The following GARNL3 variants were observed in gnomAD, a reference collection of about 807,000 sequenced individuals.
The protein encoded by GARNL3 is GTPase activating Rap/RanGAP domain like 3.
Under a neutral mutation model 125.0 loss-of-function variants are expected in GARNL3, and 63 were observed. That is an observed-to-expected ratio of 0.50 (90% CI 0.41 to 0.62). GARNL3 has a LOEUF of 0.62. GARNL3 is among the 20% of genes least tolerant of loss of function. The probability of loss-of-function intolerance (pLI) is 0.00; values close to 1 mark genes in which losing one functional copy is unlikely to be tolerated. For missense variants in GARNL3, 994 were observed against 1,244.0 expected, an observed-to-expected ratio of 0.80 and a Z score of 3.02; for synonymous variants, 439 against 457.5, an observed-to-expected ratio of 0.96 and a Z score of 0.52.
In GARNL3 at chr9:127,355,314, A is replaced by G. The variant is rs1391255390; in HGVS notation, c.1777A>G (p.Ile593Val). The change falls in exon 20 of 28, where the codon ATT (isoleucine) becomes GTT (valine). Residue 593 changes from isoleucine to valine, a missense_variant. Ile to Val is a conservative substitution (Grantham distance 29). Transcript: ENST00000373387. ...EKTKGCHLYA[I>V]NTHHSRELRI... ...CCTCCCAGGCTGCCACCTGTATGCT[A>G]TTAACACTCACCACAGCAGAGAGCT... 7 of 1,614,160 alleles carry G rather than the reference A, an allele frequency of 4.3e-6. No individual in the cohort carries two copies. Among genetic ancestry groups the G allele is most frequent in the East Asian group, 2.2e-5 (1 of 44,888 alleles).
At chr9:127,309,797 A>G (rs557184077) in intron 2 of GARNL3, among the ~76,000 whole-genome samples, 1 of 152,288 alleles carries the variant, frequency 6.6e-6, no homozygotes, top group East Asian at 1.9e-4. Flanking sequence ...CTCTTTGTAA[A>G]CTTCCAATTG....
chr9:127,331,735 T>TTTTTTTTTTTTTTTTTTTTTTTTTTC (rs1554722987), intron 7 of GARNL3, among the ~76,000 whole-genome samples: 1 of 143,734 alleles, frequency 7.0e-6, no homozygotes, highest in Non-Finnish European at 1.5e-5. Context: ...TTTTTTTTTT[T>TTTTTTTTTTTTTTTTTTTTTTTTTTC]CACATCTGTT....
intron 17 of GARNL3, among the ~76,000 whole-genome samples, chr9:127,352,333 T>C (rs527791730): frequency 1.4e-4 from 22 of 152,320 alleles, no homozygotes; most frequent in African/African-American, 5.1e-4. Context: ...TTTAAACATA[T>C]GAAACCCTAA....
At chr9:127,387,021 G>A (rs529543197) in intron 24 of GARNL3, 172 bp from the exon 25 acceptor site, 15 of 568,078 alleles carry the variant, frequency 2.6e-5, no homozygotes, top group Non-Finnish European at 3.9e-5. Flanking sequence ...AACTAGCCAC[G>A]CTGGGCTTTC....
chr9:127,269,786 GT>G lies in GARNL3; in HGVS notation c.144+4780del, dbSNP rs57287183. 1.2e-3 allele frequency among the ~76,000 whole-genome samples: 158 copies of G among 129,784 alleles called. 2 individuals are homozygous for G. The highest frequency in any genetic ancestry group is 2.4e-3 in the South Asian group (10 of 4,122). 85.1% of individuals were successfully genotyped at this position (129,784 alleles called of 152,430 possible). A position where few individuals can be genotyped will look rare whatever the true frequency, so the allele number is the denominator to read the frequency against. ...GTTTTTGTTTTGTTTTGTTTTTTGT[GT>G]TTTTTTTTTTTTTTGCTGTCAAGTT... On this transcript the variant is annotated intron_variant, in intron 1 of 27. Coordinates refer to ENST00000373387, the MANE Select transcript of GARNL3 (RefSeq NM_032293.5).
intron 1 of GARNL3, among the ~76,000 whole-genome samples, chr9:127,287,769 T>G (rs2064293763): frequency 6.6e-6 from 1 of 152,232 alleles, no homozygotes; most frequent in Non-Finnish European, 1.5e-5. Flanking sequence ...TTGATTAAGT[T>G]ACTGCCCAAC....
At chr9:127,353,568 T>G (rs1830522339) in intron 17 of GARNL3, 1 of 298,548 alleles carries the variant, frequency 3.3e-6, no homozygotes, top group Non-Finnish European at 6.2e-6. Flanking sequence ...TTTTCTTTGA[T>G]GAACAAAAAT....
At chr9:127,291,114 C>A in intron 1 of GARNL3, 54 bp from the exon 2 acceptor site, 1 of 1,547,526 alleles carries the variant, frequency 6.5e-7, no homozygotes, top group Non-Finnish European at 8.9e-7. Context: ...TAATTACATA[C>A]AGATAGAAGA....
Position 127,333,244 on chromosome 9 carries a change from TG to T in GARNL3, c.769+124del, listed in dbSNP as rs1260946360. 6.1e-5 allele frequency: 44 copies of T among 721,870 alleles called. No homozygotes were observed. The Admixed American group carries it at 1.0e-3, about 17-fold the overall frequency. 44.7% of individuals were successfully genotyped at this position (721,870 alleles called of 1,614,324 possible). ...TGGATGAGAGAAGACTGGAGGGAGGTGAGCTCCACACCCTGTTCAACATAGA... is the reference window on the plus strand; with the variant it reads ...TGGATGAGAGAAGACTGGAGGGAGGTAGCTCCACACCCTGTTCAACATAGA... On this transcript the variant is annotated intron_variant, in intron 9 of 27. Transcript: ENST00000373387.
At chr9:127,360,451 G>C (rs186750686) in intron 21 of GARNL3, among the ~76,000 whole-genome samples, 1 of 152,356 alleles carries the variant, frequency 6.6e-6, no homozygotes, top group East Asian at 1.9e-4. Flanking sequence ...GCAGTGCACA[G>C]CTCCCAGCAG....
intron 24 of GARNL3, among the ~76,000 whole-genome samples, chr9:127,386,542 A>T (rs1005894946): frequency 2.0e-5 from 3 of 152,224 alleles, no homozygotes; most frequent in African/African-American, 7.2e-5. Context: ...CCACACAGAC[A>T]CTGTTGGTGT....
chr9:127,357,434 T>G (rs539576105), intron 21 of GARNL3, 57 bp downstream of exon 21: 1 of 1,528,106 alleles, frequency 6.5e-7, no homozygotes, highest in Non-Finnish European at 9.0e-7. Flanking sequence ...CATCGTTGTG[T>G]ATTCTAACCC....
intron 2 of GARNL3, among the ~76,000 whole-genome samples, chr9:127,302,612 G>T (rs962434739): frequency 1.1e-4 from 17 of 152,102 alleles, no homozygotes; most frequent in African/African-American, 3.4e-4. Context: ...AAATATGCTC[G>T]TCAAGATGCG....
chr9:127,273,619 A>G (rs1429151288), intron 1 of GARNL3, among the ~76,000 whole-genome samples: 1 of 152,136 alleles, frequency 6.6e-6, no homozygotes, highest in Non-Finnish European at 1.5e-5. Flanking sequence ...GTACCATGGC[A>G]TTATGCCTTT....
chr9:127,256,792 A>C (rs1244746237), intron 2 of GARNL3, among the ~76,000 whole-genome samples: 2 of 152,232 alleles, frequency 1.3e-5, no homozygotes, highest in Non-Finnish European at 2.9e-5. Context: ...TATAGTAACT[A>C]TAGTACTGTA....
chr9:127,269,786 G>GTTTTTTGTGTTT (rs1554896116), intron 1 of GARNL3, among the ~76,000 whole-genome samples: 20 of 129,818 alleles, frequency 1.5e-4, no homozygotes, highest in African/African-American at 5.4e-4. Context: ...TGTTTTTTGT[G>GTTTTTTGTGTTT]TTTTTTTTTT....
At chr9:127,391,706 A>G (rs1832876375) in intron 27 of GARNL3, among the ~76,000 whole-genome samples, 2 of 150,116 alleles carry the variant, frequency 1.3e-5, no homozygotes, top group African/African-American at 4.9e-5. Flanking sequence ...GTGTCAAAAA[A>G]AAAAAAAAAA....
intron 2 of GARNL3, among the ~76,000 whole-genome samples, chr9:127,247,191 C>G (rs557953075): frequency 1.2e-4 from 18 of 152,106 alleles, no homozygotes; most frequent in Non-Finnish European, 1.9e-4. Context: ...GCTTTTGAGA[C>G]AGGCAAGTGG....
At chr9:127,245,142 C>T (rs1176072064) in intron 2 of GARNL3, among the ~76,000 whole-genome samples, 1 of 152,330 alleles carries the variant, frequency 6.6e-6, no homozygotes, top group South Asian at 2.1e-4. Flanking sequence ...GAGCTCCGAG[C>T]AGGAGTTAAA....
Sources: allele counts gnomAD v4.1 joint callset (sites outside exome capture counted in the v4.1 genomes callset), GRCh38; gene constraint gnomAD v4.1.1; transcripts MANE v1.5; gene names NCBI Gene and HGNC (gene_info 2026-07-23, HGNC 2026-07-21).